Variants in LIMCH1 observed in about 807,000 individuals in gnomAD.
LIMCH1 encodes the protein LIM and calponin homology domains-containing protein 1.
Under a neutral mutation model 176.5 loss-of-function variants are expected in LIMCH1, and 113 were observed. The observed-to-expected ratio is 0.64, with a 90% CI of 0.55 to 0.75. The LOEUF (loss-of-function observed/expected upper bound fraction) is 0.75. Ranked by LOEUF, LIMCH1 falls within the 30% of genes least tolerant of loss-of-function variation. LIMCH1 has a pLI of 0.00. For missense variants in LIMCH1, 1,674 were observed against 1,814.9 expected, an observed-to-expected ratio of 0.92 and a Z score of 1.41; for synonymous variants, 619 against 645.9, an observed-to-expected ratio of 0.96 and a Z score of 0.63.
At chr4:41,448,666 A>G (rs1257747791) in intron 1 of LIMCH1, among the ~76,000 whole-genome samples, 2 of 152,122 alleles carry the variant, frequency 1.3e-5, no homozygotes, top group African/African-American at 4.8e-5. Flanking sequence ...AGCATCACCC[A>G]TATCAATTTT....
At chr4:41,689,484 T>G in intron 29 of LIMCH1, 43 bp from the exon 30 acceptor site, 1 of 1,084,134 alleles carries the variant, frequency 9.2e-7, no homozygotes, top group Non-Finnish European at 1.4e-6. Context: ...GACCAGGTAT[T>G]CTAAACTGAA....
intron 1 of LIMCH1, among the ~76,000 whole-genome samples, chr4:41,452,069 C>T (rs563818083): frequency 3.9e-5 from 6 of 152,290 alleles, no homozygotes; most frequent in Non-Finnish European, 4.4e-5. Flanking sequence ...TTCCCCTAGG[C>T]TCCAGCTCTA....
intron 1 of LIMCH1, among the ~76,000 whole-genome samples, chr4:41,406,119 C>T (rs1190569217): frequency 6.6e-6 from 1 of 152,162 alleles, no homozygotes; most frequent in Admixed American, 6.5e-5. Flanking sequence ...TTCCTAATAA[C>T]TTTTGTATCT....
intron 1 of LIMCH1, among the ~76,000 whole-genome samples, chr4:41,576,186 A>G (rs1477232860): frequency 6.6e-6 from 1 of 152,220 alleles, no homozygotes; most frequent in Non-Finnish European, 1.5e-5. Flanking sequence ...TATTTGTCCA[A>G]ATACATTTGA....
At chr4:41,635,007 A>G (rs1190412837) in intron 13 of LIMCH1, among the ~76,000 whole-genome samples, 1 of 152,202 alleles carries the variant, frequency 6.6e-6, no homozygotes, top group Non-Finnish European at 1.5e-5. Flanking sequence ...CCTACTGGAT[A>G]CATTTAGGCG....
At chr4:41,580,173 T>C (rs1243482370) in intron 1 of LIMCH1, among the ~76,000 whole-genome samples, 1 of 152,172 alleles carries the variant, frequency 6.6e-6, no homozygotes, top group African/African-American at 2.4e-5. Context: ...CTTAAGTGAA[T>C]GCGTTTCGTG....
At chr4:41,436,243 C>G (rs2062067148) in intron 1 of LIMCH1, among the ~76,000 whole-genome samples, 1 of 152,144 alleles carries the variant, frequency 6.6e-6, no homozygotes, top group Non-Finnish European at 1.5e-5. Flanking sequence ...TACCTGGACT[C>G]CACAACTATT....
chr4:41,376,080 C>G (rs988088624), intron 1 of LIMCH1, among the ~76,000 whole-genome samples: 21 of 152,150 alleles, frequency 1.4e-4, no homozygotes, highest in African/African-American at 4.8e-4. Context: ...ACATTCAAGT[C>G]TCCAATAAAG....
intron 6 of LIMCH1, chr4:41,620,183 A>C (rs1279569993): frequency 2.6e-5 from 12 of 462,140 alleles, no homozygotes; most frequent in Non-Finnish European, 4.5e-5. Flanking sequence ...TTACCTTTCC[A>C]GCAGAAAAGG....
At chr4:41,671,665 A>C in intron 22 of LIMCH1, 71 bp downstream of exon 22, 6 of 1,234,780 alleles carry the variant, frequency 4.9e-6, no homozygotes, top group Non-Finnish European at 7.2e-6. Flanking sequence ...TGATTGGCTC[A>C]AAGAGTATTC....
At chr4:41,692,537 T>C (rs1726935921) in intron 31 of LIMCH1, 153 bp downstream of exon 31, 2 of 575,470 alleles carry the variant, frequency 3.5e-6, no homozygotes, top group Admixed American at 3.1e-5. Flanking sequence ...AGAAAAGATA[T>C]TTACCACTCG....
At chr4:41,581,826 A>C (rs1393818165) in intron 1 of LIMCH1, among the ~76,000 whole-genome samples, 1 of 151,172 alleles carries the variant, frequency 6.6e-6, no homozygotes, top group Admixed American at 6.6e-5. Context: ...AAAAAAAAAA[A>C]AAAACAACAG....
intron 1 of LIMCH1, among the ~76,000 whole-genome samples, chr4:41,398,064 A>G (rs922627981): frequency 9.2e-5 from 14 of 152,022 alleles, no homozygotes; most frequent in Admixed American, 8.5e-4. Context: ...TCCATGTACC[A>G]GATTCATCAC....
chr4:41,398,175 C>CT (rs11412751), intron 1 of LIMCH1, among the ~76,000 whole-genome samples: 46,716 of 140,884 alleles, frequency 0.33, 8,217 homozygotes, highest in African/African-American at 0.49. Flanking sequence ...TAAGAGTTTT[C>CT]TTTTTTTTTT....
intron 3 of LIMCH1, among the ~76,000 whole-genome samples, chr4:41,531,297 C>T (rs2077257193): frequency 6.6e-6 from 1 of 152,010 alleles, no homozygotes; most frequent in Admixed American, 6.5e-5. Flanking sequence ...TGTAATGTTT[C>T]TACCATGGCC....
intron 2 of LIMCH1, among the ~76,000 whole-genome samples, chr4:41,511,148 T>C (rs562449716): frequency 2.6e-4 from 39 of 152,176 alleles, no homozygotes; most frequent in Non-Finnish European, 8.8e-5. Context: ...TCCCTCTGTC[T>C]GGGTGCAATG....
At chr4:41,645,239 G>C (rs766145688) in intron 15 of LIMCH1, among the ~76,000 whole-genome samples, 3 of 152,214 alleles carry the variant, frequency 2.0e-5, no homozygotes, top group African/African-American at 7.2e-5. Flanking sequence ...AGGAGGGAGA[G>C]TGGATTATTT....
intron 1 of LIMCH1, among the ~76,000 whole-genome samples, chr4:41,452,430 G>A (rs1214950015): frequency 6.6e-6 from 1 of 152,194 alleles, no homozygotes; most frequent in Admixed American, 6.5e-5. Flanking sequence ...GTGAGAGGTG[G>A]TCAGTCGCTT....
intron 2 of LIMCH1, among the ~76,000 whole-genome samples, chr4:41,504,876 C>A (rs1205957412): frequency 6.6e-6 from 1 of 152,022 alleles, no homozygotes; most frequent in Non-Finnish European, 1.5e-5. Context: ...TGTCAATAGA[C>A]CAAAAAATAG....
Sources: gnomAD v4.1 joint callset for allele counts (sites outside exome capture counted in the v4.1 genomes callset) on GRCh38, gnomAD v4.1.1 for gene constraint, MANE v1.5 for transcripts, NCBI Gene and HGNC (gene_info 2026-07-23, HGNC 2026-07-21) for gene names.